STRBP: variants seen among roughly 807,000 people sequenced by gnomAD.
STRBP encodes spermatid perinuclear RNA-binding protein.
In STRBP, 13 loss-of-function variants were observed where a neutral mutation model predicts 80.1. The observed-to-expected ratio is 0.16, with a 90% confidence interval of 0.11 to 0.26. The LOEUF (loss-of-function observed/expected upper bound fraction) is 0.26, where lower values mean the gene tolerates loss of function less well. STRBP is among the 10% of genes least tolerant of loss of function. The pLI, the probability that STRBP is intolerant of heterozygous loss-of-function variation, is 1.00. For synonymous variants in STRBP, 284 were observed against 291.2 expected (o/e 0.98, Z 0.25); for missense variants, 485 against 815.2 (o/e 0.59, Z 4.93).
At position 123,110,339 on chromosome 9, in the gene STRBP, C is replaced by A. The variant is rs1010743433; in HGVS notation, c.*85-586G>T. 7 of 163,782 alleles carry A rather than the reference C, an allele frequency of 4.3e-5. No individual in the cohort carries two copies. The highest frequency in any genetic ancestry group is 7.3e-5 in the Non-Finnish European group (5 of 68,168). The allele number at this position is 163,782 out of a possible 1,614,324, so 10.1% of individuals were successfully genotyped here. On this transcript the variant is annotated intron_variant and NMD_transcript_variant, in intron 3 of 3. Transcript: ENST00000471564. This position sits in a 1 kb window ranked among gnomAD's most constrained non-coding sequence, Gnocchi z 4.1. Reference sequence around the variant, plus strand: ...CTAGGCCAGCCCCTTCCCCAGCACCCCCTGCCAAAGTACCCTTGGGAACAG... The same window carrying A: ...CTAGGCCAGCCCCTTCCCCAGCACCACCTGCCAAAGTACCCTTGGGAACAG...
At chr9:123,116,329 G>A (rs990189279) in intron 2 of STRBP, among the ~76,000 whole-genome samples, 3 of 152,152 alleles carry the variant, frequency 2.0e-5, no homozygotes, top group South Asian at 2.1e-4. Context: ...CACATCCCCT[G>A]TCCTCCTTCC....
Position 123,123,495 on chromosome 9 carries a change from T to TACA in STRBP, c.*2099_*2101dup, listed in dbSNP as rs1470157462. On this transcript the variant is annotated 3_prime_UTR_variant, in exon 19 of 19. Coordinates refer to ENST00000348403, the MANE Select transcript of STRBP (RefSeq NM_018387.5). ...AAAGTTTGCAGCAACTGGGCAGGTT[T>TACA]ACAACATGGTTAGTAACTTCCAACA... is the stretch of plus-strand genomic sequence containing the variant. 2.0e-6 allele frequency: 2 copies of TACA among 984,108 alleles called. No homozygotes were observed. Among genetic ancestry groups the TACA allele is most frequent in the Middle Eastern group, 5.2e-4 (1 of 1,934 alleles). The allele number at this position is 984,108 out of a possible 1,614,324, so 61.0% of individuals were successfully genotyped here. A position where few individuals can be genotyped will look rare whatever the true frequency, so the allele number is the denominator to read the frequency against.
At chr9:123,151,084 C>A (rs952234786) in intron 11 of STRBP, among the ~76,000 whole-genome samples, 1 of 152,060 alleles carries the variant, frequency 6.6e-6, no homozygotes, top group Non-Finnish European at 1.5e-5. Flanking sequence ...ATATCATGAT[C>A]AAAAATCAAG....
chr9:123,177,241 A>G (rs1313751347), intron 4 of STRBP, among the ~76,000 whole-genome samples: 1 of 152,208 alleles, frequency 6.6e-6, no homozygotes, highest in Admixed American at 6.5e-5. Flanking sequence ...GAAAGACTGT[A>G]CATAGACAAC....
chr9:123,147,877 A>C lies in STRBP; in HGVS notation c.1046-7T>G. 6.2e-7 allele frequency: 1 copy of C among 1,608,672 alleles called. No individual in the cohort carries two copies. The highest frequency in any genetic ancestry group is 8.5e-7 in the Non-Finnish European group (1 of 1,177,088). ...AGAGCTGAAGACCCAGCACCTAAAA[A>C]AAATTATGAGGGATTCATTATCAGT... is the stretch of plus-strand genomic sequence containing the variant. On this transcript the variant is annotated splice_region_variant and splice_polypyrimidine_tract_variant and intron_variant, in intron 11 of 18. Transcript: ENST00000348403.
At chr9:123,139,007 C>A (rs553216107) in intron 14 of STRBP, among the ~76,000 whole-genome samples, 1 of 152,142 alleles carries the variant, frequency 6.6e-6, no homozygotes. Context: ...CTATTATCTG[C>A]GACAATAAGT....
chr9:123,139,455 A>C, intron 14 of STRBP, 74 bp downstream of exon 14: 1 of 1,212,370 alleles, frequency 8.2e-7, no homozygotes, highest in Non-Finnish European at 1.1e-6. Context: ...TTTTATTTAT[A>C]CTTTTCCACA....
At position 123,115,866 on chromosome 9, in the gene STRBP, C is replaced by T; in HGVS notation, c.*84+63G>A. On this transcript the variant is annotated intron_variant and NMD_transcript_variant, in intron 3 of 3. Transcript: ENST00000471564. The surrounding 1 kb of genome is among the most constrained non-coding windows in gnomAD (Gnocchi z 5.0). ...TAGCTCAAATTGCCCCACTGGCTTC[C>T]CATAATTGTCTTTCACCCTTTGGAA... The T allele has an allele frequency of 5.5e-6, 2 of 366,402 alleles. No individual in the cohort carries two copies. Among genetic ancestry groups the T allele is most frequent in the South Asian group, 4.2e-5 (2 of 47,614 alleles). The allele number at this position is 366,402 out of a possible 1,614,324, so 22.7% of individuals were successfully genotyped here. A position where few individuals can be genotyped will look rare whatever the true frequency, so the allele number is the denominator to read the frequency against.
At chr9:123,239,621 G>A (rs1269820456) in intron 1 of STRBP, among the ~76,000 whole-genome samples, 1 of 152,142 alleles carries the variant, frequency 6.6e-6, no homozygotes, top group African/African-American at 2.4e-5. Flanking sequence ...GAAGGACAAG[G>A]ACTGTCATCT....
At chr9:123,262,583 T>C (rs996008761) in intron 1 of STRBP, among the ~76,000 whole-genome samples, 4 of 152,242 alleles carry the variant, frequency 2.6e-5, no homozygotes, top group South Asian at 2.1e-4. Flanking sequence ...GATTTTATTA[T>C]TGATGTAATC....
At chr9:123,212,714 A>C (rs1163331436) in intron 2 of STRBP, 2 of 152,228 alleles carry the variant, frequency 1.3e-5, no homozygotes, top group African/African-American at 4.8e-5. Flanking sequence ...ATTTCCTACC[A>C]GGCAAGACAC....
chr9:123,227,567 C>CTTTTTTTTTTTTTTTTT (rs113678606), intron 2 of STRBP, among the ~76,000 whole-genome samples: 12 of 113,440 alleles, frequency 1.1e-4, no homozygotes, highest in Admixed American at 1.8e-4. Context: ...TTTTTTTTTT[C>CTTTTTTTTTTTTTTTTT]TTTTTTTTTT....
intron 1 of STRBP, among the ~76,000 whole-genome samples, chr9:123,259,394 G>A (rs1169834648): frequency 6.6e-6 from 1 of 152,184 alleles, no homozygotes; most frequent in Admixed American, 6.5e-5. Flanking sequence ...CAAGCCTGGA[G>A]TTCCAGGCTA....
chr9:123,180,383 G>A (rs1441134319), intron 3 of STRBP, among the ~76,000 whole-genome samples: 1 of 152,102 alleles, frequency 6.6e-6, no homozygotes. Context: ...TCAAACCTTT[G>A]GTGCAAGGCC....
chr9:123,217,412 A>G (rs2039932828), intron 2 of STRBP, among the ~76,000 whole-genome samples: 1 of 152,244 alleles, frequency 6.6e-6, no homozygotes, highest in Non-Finnish European at 1.5e-5. Flanking sequence ...AACACAAAGA[A>G]TGTGAAAAAG....
downstream of STRBP, among the ~76,000 whole-genome samples, chr9:123,120,023 C>A (rs2035704622): frequency 6.6e-6 from 1 of 152,150 alleles, no homozygotes; most frequent in Non-Finnish European, 1.5e-5. Context: ...ATTCTTACAA[C>A]CAACTCAACT....
chr9:123,176,500 T>A (rs2038226293), intron 4 of STRBP, among the ~76,000 whole-genome samples: 1 of 152,206 alleles, frequency 6.6e-6, no homozygotes, highest in Non-Finnish European at 1.5e-5. Context: ...CTCTTTTTTT[T>A]ATAAGCAAGT....
At chr9:123,173,477 G>A (rs1313341388) in intron 5 of STRBP, among the ~76,000 whole-genome samples, 200 bp downstream of exon 5, 1 of 152,070 alleles carries the variant, frequency 6.6e-6, no homozygotes. Context: ...ATCTTAATTT[G>A]GTAAATATAT....
intron 2 of STRBP, among the ~76,000 whole-genome samples, chr9:123,226,847 T>C (rs958689743): frequency 6.6e-6 from 1 of 152,088 alleles, no homozygotes; most frequent in Non-Finnish European, 1.5e-5. Context: ...ACCACAGATT[T>C]GGTAATTTAT....
Sources: allele counts gnomAD v4.1 joint callset (sites outside exome capture counted in the v4.1 genomes callset), GRCh38; gene constraint gnomAD v4.1.1; non-coding constraint Gnocchi (gnomAD v3.1); transcripts MANE v1.5; gene names NCBI Gene and HGNC (gene_info 2026-07-23, HGNC 2026-07-21).